RBCK1: variants seen among roughly 807,000 people sequenced by gnomAD.
RBCK1 encodes the protein RANBP2-type and C3HC4-type zinc finger containing 1.
A neutral mutation model predicts 71.1 loss-of-function variants in RBCK1; 44 were observed. The observed-to-expected ratio is 0.62, with a 90% CI of 0.49 to 0.80. The LOEUF is 0.80. Among genes scored for constraint, RBCK1 ranks in the 30% least tolerant of loss-of-function variants. The pLI, the probability that RBCK1 is intolerant of heterozygous loss-of-function variation, is 0.00. For missense variants in RBCK1, 569 were observed against 685.0 expected (o/e 0.83, Z 1.89); for synonymous variants, 306 against 279.7 (o/e 1.09, Z -0.94).
At position 409,944 on chromosome 20, in the gene RBCK1, AG is replaced by A; in HGVS notation, c.87del (p.Lys29AsnfsTer13). The A allele has an allele frequency of 6.2e-7, 1 of 1,614,126 alleles. No individual in the cohort carries two copies. The highest frequency in any genetic ancestry group is 8.5e-7 in the Non-Finnish European group (1 of 1,180,030). ...GGCGGGGATGAACAGGTGGCAATGA[AG>A]TGTGCCATCTGGCTGGCAGAGCAAC... ...VAGGDEQVAM[K>X]CAIWLAEQRV... On this transcript the variant is annotated frameshift_variant, in exon 2 of 12. Transcript: ENST00000356286. LOFTEE classifies it high-confidence loss of function.
chr20:409,393 T>G (rs1191253169), intron 1 of RBCK1, among the ~76,000 whole-genome samples: 1 of 152,042 alleles, frequency 6.6e-6, no homozygotes, highest in Non-Finnish European at 1.5e-5. Flanking sequence ...AGCTTCAGTG[T>G]TACCCCCTCC....
rs73567130 is a variant in RBCK1 at position 414,473 on chromosome 20, G to A, written c.168-3053G>A. Among the ~76,000 whole-genome samples, 771 of 152,332 alleles carry A rather than the reference G, an allele frequency of 5.1e-3. 7 individuals are homozygous for A. Among genetic ancestry groups the A allele is most frequent in the African/African-American group, 0.018 (736 of 41,576 alleles). ...GTGAATATGCATTTATAGTATGTAA[G>A]TTAAAATTAAGTGTTTAAGCTTTGT... On this transcript the variant is annotated intron_variant, in intron 2 of 11. Coordinates refer to ENST00000356286, the MANE Select transcript of RBCK1 (RefSeq NM_031229.4).
At chr20:414,226 C>T (rs1203528342) in intron 2 of RBCK1, among the ~76,000 whole-genome samples, 1 of 152,098 alleles carries the variant, frequency 6.6e-6, no homozygotes, top group Non-Finnish European at 1.5e-5. Flanking sequence ...GCCTGGGCAA[C>T]ATAGTGAGAC....
chr20:430,709 C>G lies in RBCK1; in HGVS notation c.*279C>G. 2 of 496,384 alleles carry G rather than the reference C, an allele frequency of 4.0e-6. No homozygotes were observed. The highest frequency in any genetic ancestry group is 4.4e-5 in the South Asian group (2 of 45,356). 30.7% of individuals were successfully genotyped at this position (496,384 alleles called of 1,614,324 possible). A position where few individuals can be genotyped will look rare whatever the true frequency, so the allele number is the denominator to read the frequency against. ...TGCTGGGTGGAGCCTCTGTGTGACT[C>G]CATACTCCTCCCACCACAACACTCA... On this transcript the variant is annotated 3_prime_UTR_variant, in exon 12 of 12. Coordinates refer to ENST00000356286, the MANE Select transcript of RBCK1 (RefSeq NM_031229.4). The surrounding 1 kb of genome is among the most constrained non-coding windows in gnomAD (Gnocchi z 5.6).
Position 417,821 on chromosome 20 carries a change from T to C in RBCK1, c.351T>C (p.His117=), listed in dbSNP as rs920299034. 2 of 1,614,068 alleles carry C rather than the reference T, an allele frequency of 1.2e-6. No individual in the cohort carries two copies. The highest frequency in any genetic ancestry group is 1.1e-5 in the South Asian group (1 of 91,080). Residue 117 remains histidine, a synonymous_variant, in exon 4 of 12, where the codon CAT becomes CAC. Coordinates refer to ENST00000356286, the MANE Select transcript of RBCK1 (RefSeq NM_031229.4). The surrounding 1 kb of genome is among the most constrained non-coding windows in gnomAD (Gnocchi z 4.7). ...GAGACCAGGAGACCCTGCACTCCCA[T>C]GGGGTGCGGCAGAATGGGGACAGTG... ...LARDQETLHS[H]GVRQNGDSAY... is the part of the protein sequence containing the mutation.
rs1455205109 is a variant in RBCK1 at position 428,039 on chromosome 20, C to A, written c.1210-452C>A. On this transcript the variant is annotated intron_variant, in intron 9 of 11. Transcript: ENST00000356286. The surrounding 1 kb of genome is among the most constrained non-coding windows in gnomAD (Gnocchi z 5.7). ...CCTTCCCCCAGGCCTGTCCCCGCCG[C>A]TTCATCTCAAAAGTTGAAGGTGAGG... is the stretch of plus-strand genomic sequence containing the variant. Among the ~76,000 whole-genome samples, 1 of 152,204 alleles carries A rather than the reference C, an allele frequency of 6.6e-6. No individual in the cohort carries two copies. Among genetic ancestry groups the A allele is most frequent in the Non-Finnish European group, 1.5e-5 (1 of 68,036 alleles).
In RBCK1 at chr20:412,140, CTTG is replaced by C. The variant is rs140623224; in HGVS notation, c.167+2124_167+2126del. Among the ~76,000 whole-genome samples the C allele has an allele frequency of 2.9e-3, 449 of 152,236 alleles. 1 individual carries two copies. The highest frequency in any genetic ancestry group is 9.6e-3 in the African/African-American group (397 of 41,522). ...TAGTTTCTCCACATCATCTCTAATACTTGTTGTTGTTTATCTTTTTGATTATAG... is the reference window on the plus strand; with the variant it reads ...TAGTTTCTCCACATCATCTCTAATACTTGTTGTTTATCTTTTTGATTATAG... On this transcript the variant is annotated intron_variant, in intron 2 of 11. Transcript: ENST00000356286.
chr20:421,101 G>C, intron 7 of RBCK1, 70 bp downstream of exon 7: 1 of 1,458,990 alleles, frequency 6.9e-7, no homozygotes, highest in South Asian at 1.4e-5. Flanking sequence ...GGCTGGACGT[G>C]GGTGGGGCCC....
chr20:413,656 G>C (rs1459580274), intron 2 of RBCK1, among the ~76,000 whole-genome samples: 1 of 152,112 alleles, frequency 6.6e-6, no homozygotes, highest in African/African-American at 2.4e-5. Context: ...CACAACATGG[G>C]GGGAATCTCA....
chr20:421,876 G>C (rs2016458049), intron 7 of RBCK1: 1 of 498,196 alleles, frequency 2.0e-6, no homozygotes, highest in African/African-American at 1.9e-5. Flanking sequence ...AGCCCAGCGA[G>C]GAGGCTCCTG....
chr20:430,333 T>C lies in RBCK1; in HGVS notation c.1453-17T>C. 1 of 1,590,052 alleles carries C rather than the reference T, an allele frequency of 6.3e-7. No homozygotes were observed. Among genetic ancestry groups the C allele is most frequent in the Non-Finnish European group, 8.6e-7 (1 of 1,158,374 alleles). The stretch of plus-strand genomic sequence containing the variant: ...TGCACTGCGCTGACATTCTCTTCTC[T>C]TCCTCCCATCCTCTAGGGCCCAGGA... On this transcript the variant is annotated splice_polypyrimidine_tract_variant and intron_variant, in intron 11 of 11. Coordinates refer to ENST00000356286, the MANE Select transcript of RBCK1 (RefSeq NM_031229.4). The surrounding 1 kb of genome is among the most constrained non-coding windows in gnomAD (Gnocchi z 5.6).
chr20:419,484 C>T lies in RBCK1; in HGVS notation c.582+16C>T. On this transcript the variant is annotated intron_variant, in intron 5 of 11. Transcript: ENST00000356286. ...GCCCCCACCGGTAAGCTGTCCTTGGCCTCAGTATCCTCTTCTGTGCCCCTC... is the reference window on the plus strand; with the variant it reads ...GCCCCCACCGGTAAGCTGTCCTTGGTCTCAGTATCCTCTTCTGTGCCCCTC... The T allele has an allele frequency of 1.2e-6, 2 of 1,603,814 alleles. No individual in the cohort carries two copies. Among genetic ancestry groups the T allele is most frequent in the South Asian group, 2.2e-5 (2 of 89,574 alleles).
Position 428,588 on chromosome 20 carries a change from A to G in RBCK1, c.1307A>G (p.Lys436Arg). 1 of 1,609,774 alleles carries G rather than the reference A, an allele frequency of 6.2e-7. No homozygotes were observed. Residue 436 changes from lysine (K) to arginine (R), a missense_variant and splice_region_variant, in exon 10 of 12, where the codon AAG becomes AGG. Physicochemically the swap from Lys to Arg is conservative, Grantham distance 26. This residue lies in a region of RBCK1 where 211 missense variants were observed against 309.4 expected (regional missense o/e 0.68). Coordinates refer to ENST00000356286, the MANE Select transcript of RBCK1 (RefSeq NM_031229.4). The surrounding 1 kb of genome is among the most constrained non-coding windows in gnomAD (Gnocchi z 5.7). ...VAARQTTEMLKVMLQQGEAMR... is the reference protein window; with the variant it reads ...VAARQTTEMLRVMLQQGEAMR... ...GCCCGGCAGACGACAGAGATGCTGA[A>G]GGTGAGGCTGGGACAGGGCCGAGGC...
chr20:416,462 C>T (rs1328921140), intron 2 of RBCK1, among the ~76,000 whole-genome samples: 1 of 152,148 alleles, frequency 6.6e-6, no homozygotes, highest in African/African-American at 2.4e-5. Flanking sequence ...TGCAGGAACT[C>T]TTCCTCATTT....
chr20:427,822 C>T (rs796170470), intron 9 of RBCK1, among the ~76,000 whole-genome samples: 2 of 152,294 alleles, frequency 1.3e-5, no homozygotes, highest in African/African-American at 4.8e-5. Flanking sequence ...ATAGACTTGG[C>T]CTCTGACCAA....
chr20:410,122 GA>G (rs1487038228), intron 2 of RBCK1, 97 bp downstream of exon 2: 65 of 1,396,470 alleles, frequency 4.7e-5, no homozygotes, highest in Non-Finnish European at 6.0e-5. Context: ...CTGGCTTCAG[GA>G]GGCCTGGCTT....
chr20:419,865 CCCTGCACCTGGCTGTGA>C (rs1269810304), intron 6 of RBCK1, 134 bp downstream of exon 6: 1 of 302,584 alleles, frequency 3.3e-6, no homozygotes, highest in East Asian at 8.4e-5. Context: ...CTGGCAGTGA[CCCTGCACCTGGCTGTGA>C]CCCTGCACCT....
Position 428,521 on chromosome 20 carries a change from T to C in RBCK1, c.1240T>C (p.Tyr414His). 1 of 1,611,344 alleles carries C rather than the reference T, an allele frequency of 6.2e-7. No individual in the cohort carries two copies. Among genetic ancestry groups the C allele is most frequent in the East Asian group, 2.2e-5 (1 of 44,768 alleles). ...CCATGAGCAGATGAACTGCAAGGAGTATCAGGAGGACCTGGCCCTGCGGGC... is the reference window on the plus strand; with the variant it reads ...CCATGAGCAGATGAACTGCAAGGAGCATCAGGAGGACCTGGCCCTGCGGGC... ...AIHEQMNCKE[Y>H]QEDLALRAQN... The change falls in exon 10 of 12, where the codon TAT becomes CAT. Residue 414 changes from tyrosine to histidine, a missense_variant. Physicochemically the swap from Tyr to His is moderately conservative, Grantham distance 83. This residue lies in a region of RBCK1 where 211 missense variants were observed against 309.4 expected (regional missense o/e 0.68). Transcript: ENST00000356286. This position sits in a 1 kb window ranked among gnomAD's most constrained non-coding sequence, Gnocchi z 5.7.
Position 417,127 on chromosome 20 carries a change from G to T in RBCK1, c.168-399G>T. On this transcript the variant is annotated intron_variant, in intron 2 of 11. Transcript: ENST00000356286. The surrounding 1 kb of genome is among the most constrained non-coding windows in gnomAD (Gnocchi z 4.7). Reference sequence around the variant, plus strand: ...GGATACAGCAGTACCTGTCTGATGGGTTGGTTGAGAGGATTAAATGAGTTA... The same window carrying T: ...GGATACAGCAGTACCTGTCTGATGGTTTGGTTGAGAGGATTAAATGAGTTA... 2.2e-6 allele frequency: 1 copy of T among 463,738 alleles called. No individual in the cohort carries two copies. The allele number at this position is 463,738 out of a possible 1,614,324, so 28.7% of individuals were successfully genotyped here.
Sources: allele counts gnomAD v4.1 joint callset (sites outside exome capture counted in the v4.1 genomes callset), GRCh38; gene constraint gnomAD v4.1.1; regional missense constraint gnomAD v4.1.1; non-coding constraint Gnocchi (gnomAD v3.1); transcripts MANE v1.5; gene names NCBI Gene and HGNC (gene_info 2026-07-23, HGNC 2026-07-21).